The following TMEM132D variants were observed in gnomAD, a reference collection of about 807,000 sequenced individuals.
The protein encoded by TMEM132D is mature OL transmembrane protein.
TMEM132D carries 21 observed loss-of-function variants against 62.3 expected under a neutral mutation model. The ratio of observed to expected loss-of-function variants is 0.34; its 90% CI spans 0.24 to 0.49. The LOEUF (loss-of-function observed/expected upper bound fraction) is 0.49, where lower values mean the gene tolerates loss of function less well. Ranked by LOEUF, TMEM132D falls within the 20% of genes least tolerant of loss-of-function variation. The pLI is 0.99. For synonymous variants in TMEM132D, 621 were observed against 575.6 expected, an observed-to-expected ratio of 1.08 and a Z score of -1.13; for missense variants, 1,346 against 1,402.8, an observed-to-expected ratio of 0.96 and a Z score of 0.65.
intron 3 of TMEM132D, among the ~76,000 whole-genome samples, chr12:129,445,288 C>G (rs866239176): frequency 6.6e-6 from 1 of 152,008 alleles, no homozygotes; most frequent in Non-Finnish European, 1.5e-5. Flanking sequence ...AAGAGGGGAA[C>G]AACACGCTGG....
chr12:129,308,302 C>T (rs1019912241), intron 4 of TMEM132D, among the ~76,000 whole-genome samples: 1 of 152,186 alleles, frequency 6.6e-6, no homozygotes, highest in African/African-American at 2.4e-5. Context: ...GAGTGGGAAC[C>T]ATGTTTTCTT....
chr12:129,677,396 G>A (rs912648713), intron 2 of TMEM132D, among the ~76,000 whole-genome samples: 3 of 152,166 alleles, frequency 2.0e-5, no homozygotes, highest in African/African-American at 4.8e-5. Context: ...ATGTGGAACT[G>A]GGAGTCCAAT....
intron 5 of TMEM132D, among the ~76,000 whole-genome samples, chr12:129,102,204 A>T (rs1242956001): frequency 6.6e-6 from 1 of 152,222 alleles, no homozygotes; most frequent in Non-Finnish European, 1.5e-5. Flanking sequence ...TTCATGAATC[A>T]GGCCAGTGAA....
Position 129,075,021 on chromosome 12 carries a change from G to C in TMEM132D, c.2154C>G (p.Gly718=). The C allele has an allele frequency of 6.2e-7, 1 of 1,612,266 alleles. No individual in the cohort carries two copies. Among genetic ancestry groups the C allele is most frequent in the Non-Finnish European group, 8.5e-7 (1 of 1,179,998 alleles). The change falls in exon 9 of 9, where the codon GGC becomes GGG. Residue 718 remains glycine, a synonymous_variant. Coordinates refer to ENST00000422113, the MANE Select transcript of TMEM132D (RefSeq NM_133448.3). The part of the protein sequence containing the change: ...AISCWVQFSD[G]SVTPLDIYDG... ...CGTAAATATCCAAGGGCGTGACTGAGCCATCACTGAACTGGACCCAGCAAC... is the reference window on the plus strand; with the variant it reads ...CGTAAATATCCAAGGGCGTGACTGACCCATCACTGAACTGGACCCAGCAAC...
intron 3 of TMEM132D, among the ~76,000 whole-genome samples, chr12:129,458,047 T>C (rs1397913966): frequency 6.6e-6 from 1 of 152,190 alleles, no homozygotes; most frequent in Admixed American, 6.5e-5. Flanking sequence ...CCTCCAGCTC[T>C]GATGAGCCTC....
intron 5 of TMEM132D, among the ~76,000 whole-genome samples, chr12:129,133,270 G>A (rs563862491): frequency 2.4e-4 from 36 of 152,328 alleles, no homozygotes; most frequent in Non-Finnish European, 2.8e-4. Flanking sequence ...TGTAGCAAAT[G>A]TCTAGGACTT....
intron 4 of TMEM132D, among the ~76,000 whole-genome samples, chr12:129,240,286 C>T (rs551351710): frequency 2.0e-3 from 299 of 152,230 alleles, no homozygotes; most frequent in African/African-American, 6.6e-3. Context: ...TGGATACCTT[C>T]CATTTTCCAA....
Position 129,578,444 on chromosome 12 carries a change from A to G in TMEM132D, c.969-47239T>C, listed in dbSNP as rs542426205. On this transcript the variant is annotated intron_variant, in intron 2 of 8. Coordinates refer to ENST00000422113, the MANE Select transcript of TMEM132D (RefSeq NM_133448.3). The stretch of plus-strand genomic sequence containing the variant: ...TGTGTGTATATATATATATGTATGT[A>G]TATATATATGACTAATAATATTATA... Among the ~76,000 whole-genome samples, 120 of 150,314 alleles carry G rather than the reference A, an allele frequency of 8.0e-4. 1 individual carries two copies. The South Asian group carries it at 0.023, about 28-fold the overall frequency.
At chr12:129,097,283 C>A (rs7307075) in intron 5 of TMEM132D, among the ~76,000 whole-genome samples, 8,568 of 152,274 alleles carry the variant, frequency 0.056, 835 homozygotes, top group African/African-American at 0.2. Flanking sequence ...CAAGAGCACC[C>A]CCGGTTGAGA....
chr12:129,105,032 C>T (rs915545985), intron 5 of TMEM132D, among the ~76,000 whole-genome samples: 1 of 141,658 alleles, frequency 7.1e-6, no homozygotes, highest in Non-Finnish European at 1.5e-5. Flanking sequence ...ACCCAGCCAT[C>T]CCATTACTGG....
intron 3 of TMEM132D, among the ~76,000 whole-genome samples, chr12:129,519,432 A>G (rs1875782225): frequency 6.6e-6 from 1 of 152,238 alleles, no homozygotes; most frequent in Non-Finnish European, 1.5e-5. Flanking sequence ...AAGGAAGCTC[A>G]TAAAATACCT....
At chr12:129,719,994 A>G (rs1054653114) in intron 1 of TMEM132D, among the ~76,000 whole-genome samples, 4 of 152,164 alleles carry the variant, frequency 2.6e-5, no homozygotes, top group African/African-American at 9.7e-5. Context: ...CAAGCGGGCC[A>G]TTAAAGACTC....
chr12:129,244,791 C>T (rs12367413), intron 4 of TMEM132D, among the ~76,000 whole-genome samples: 263 of 152,152 alleles, frequency 1.7e-3, no homozygotes, highest in Non-Finnish European at 3.0e-3. Context: ...CAGGTGTGGG[C>T]CACCACACCT....
chr12:129,888,564 C>T (rs1874821023), intron 1 of TMEM132D, among the ~76,000 whole-genome samples: 2 of 151,988 alleles, frequency 1.3e-5, no homozygotes, highest in South Asian at 4.2e-4. Flanking sequence ...ATTAGCTGGG[C>T]ATGGTAGCAT....
chr12:129,670,957 C>A (rs1489488536), intron 2 of TMEM132D, among the ~76,000 whole-genome samples: 2 of 152,110 alleles, frequency 1.3e-5, no homozygotes, highest in Non-Finnish European at 2.9e-5. Flanking sequence ...CACAATATTT[C>A]TTTCCCATTT....
At chr12:129,276,884 C>T (rs1881020769) in intron 4 of TMEM132D, among the ~76,000 whole-genome samples, 1 of 152,184 alleles carries the variant, frequency 6.6e-6, no homozygotes, top group South Asian at 2.1e-4. Context: ...GTACATCATG[C>T]CTCATTATGC....
rs111846659 is a variant in TMEM132D at position 129,867,018 on chromosome 12, C to T, written c.79+36243G>A. On this transcript the variant is annotated intron_variant, in intron 1 of 8. Coordinates refer to ENST00000422113, the MANE Select transcript of TMEM132D (RefSeq NM_133448.3). This position sits in a 1 kb window ranked among gnomAD's most constrained non-coding sequence, Gnocchi z 4.5. ...ATCCCGGCACCTTGCGAAGCTGAGG[C>T]AGGCAGATGGCCTGAGCTCAGGAGT... is the stretch of plus-strand genomic sequence containing the variant. Among the ~76,000 whole-genome samples, 4 of 152,092 alleles carry T rather than the reference C, an allele frequency of 2.6e-5. No homozygotes were observed. Among genetic ancestry groups the T allele is most frequent in the African/African-American group, 9.6e-5 (4 of 41,484 alleles).
chr12:129,378,173 A>G (rs1394443469), intron 3 of TMEM132D, among the ~76,000 whole-genome samples: 2 of 152,240 alleles, frequency 1.3e-5, no homozygotes, highest in Non-Finnish European at 2.9e-5. Flanking sequence ...CTGGAGAACA[A>G]TTAGGTGCCC....
At chr12:129,790,596 G>A (rs1452837219) in intron 1 of TMEM132D, among the ~76,000 whole-genome samples, 5 of 152,160 alleles carry the variant, frequency 3.3e-5, no homozygotes, top group Admixed American at 3.3e-4. Flanking sequence ...CTCCATAAGT[G>A]GAGCCTGGGG....
Sources: allele counts gnomAD v4.1 joint callset (sites outside exome capture counted in the v4.1 genomes callset), GRCh38; gene constraint gnomAD v4.1.1; non-coding constraint Gnocchi (gnomAD v3.1); transcripts MANE v1.5; gene names NCBI Gene and HGNC (gene_info 2026-07-23, HGNC 2026-07-21).